The following HUNK variants were observed in gnomAD, a reference collection of about 807,000 sequenced individuals.
The protein encoded by HUNK is hormonally up-regulated Neu-associated kinase, also known as hormonally up-regulated neu tumor-associated kinase.
Under a neutral mutation model 61.0 loss-of-function variants are expected in HUNK, and 21 were observed. The observed-to-expected ratio is 0.34, with a 90% CI of 0.24 to 0.50. HUNK has a LOEUF of 0.50. Ranked by LOEUF, HUNK falls within the 20% of genes least tolerant of loss-of-function variation. The pLI, the probability that HUNK is intolerant of heterozygous loss-of-function variation, is 0.98. For missense variants in HUNK, 772 were observed against 945.7 expected (o/e 0.82, Z 2.41); for synonymous variants, 371 against 386.1 (o/e 0.96, Z 0.46).
chr21:31,921,943 T>C (rs1258109071), intron 1 of HUNK, among the ~76,000 whole-genome samples: 2 of 152,252 alleles, frequency 1.3e-5, no homozygotes, highest in Non-Finnish European at 2.9e-5. Flanking sequence ...GTCAAGCTCA[T>C]GGACATGTCC....
chr21:31,876,558 G>T lies in HUNK; in HGVS notation c.261+2623G>T, dbSNP rs550123944. On this transcript the variant is annotated intron_variant, in intron 1 of 10. Coordinates refer to ENST00000270112, the MANE Select transcript of HUNK (RefSeq NM_014586.2). The stretch of plus-strand genomic sequence containing the variant: ...TAGTTTTGGGTATTGCCTAACTAAG[G>T]CCAAAACAAAGATGACCACAGCCTC... 2.6e-5 allele frequency among the ~76,000 whole-genome samples: 4 copies of T among 152,108 alleles called. No homozygotes were observed. The East Asian group carries it at 5.8e-4, about 22-fold the overall frequency.
At chr21:31,970,031 T>C (rs1011881273) in intron 6 of HUNK, among the ~76,000 whole-genome samples, 2 of 152,092 alleles carry the variant, frequency 1.3e-5, no homozygotes, top group African/African-American at 4.8e-5. Flanking sequence ...AGACCTAGGG[T>C]GGCTTGCACA....
At chr21:31,886,394 C>G (rs1318104875) in intron 1 of HUNK, among the ~76,000 whole-genome samples, 1 of 149,826 alleles carries the variant, frequency 6.7e-6, no homozygotes, top group African/African-American at 2.5e-5. Context: ...CCATTGTACT[C>G]CAAACTGGGA....
intron 4 of HUNK, among the ~76,000 whole-genome samples, chr21:31,946,644 T>G (rs2052805488): frequency 6.6e-6 from 1 of 151,982 alleles, no homozygotes; most frequent in African/African-American, 2.4e-5. Flanking sequence ...AGGCAGAGTC[T>G]TTCTCTGTCG....
At chr21:31,921,004 T>C (rs1361497319) in intron 1 of HUNK, among the ~76,000 whole-genome samples, 2 of 151,824 alleles carry the variant, frequency 1.3e-5, no homozygotes, top group African/African-American at 2.4e-5. Context: ...ATACAAAAAT[T>C]AGCTGGATGT....
intron 4 of HUNK, among the ~76,000 whole-genome samples, chr21:31,946,862 G>C (rs1326428888): frequency 6.6e-6 from 1 of 152,200 alleles, no homozygotes; most frequent in African/African-American, 2.4e-5. Flanking sequence ...TGAACCACCC[G>C]CCTCGGCCTC....
At chr21:31,891,354 G>A (rs575487838) in intron 1 of HUNK, among the ~76,000 whole-genome samples, 1 of 152,356 alleles carries the variant, frequency 6.6e-6, no homozygotes. Context: ...TCCAGCCTGG[G>A]CGACAGAGTG....
chr21:31,898,492 C>A (rs2052441166), intron 1 of HUNK, among the ~76,000 whole-genome samples: 2 of 152,170 alleles, frequency 1.3e-5, no homozygotes, highest in Non-Finnish European at 2.9e-5. Context: ...GTCTCAAACT[C>A]CTGGCGTCAA....
rs199631073 is a variant in HUNK at position 31,924,440 on chromosome 21, A to G, written c.262-28A>G. On this transcript the variant is annotated intron_variant, in intron 1 of 10. Coordinates refer to ENST00000270112, the MANE Select transcript of HUNK (RefSeq NM_014586.2). The surrounding 1 kb of genome is among the most constrained non-coding windows in gnomAD (Gnocchi z 5.1). The stretch of plus-strand genomic sequence containing the variant: ...ATCGCTATTGTCTGTAATGTCTGAT[A>G]ACAGGCATGTTCTTGTTTTCTCCTT... 2,303 of 1,600,092 alleles carry G rather than the reference A, an allele frequency of 1.4e-3. 6 individuals are homozygous for G. Among genetic ancestry groups the G allele is most frequent in the Non-Finnish European group, 1.2e-3 (1,454 of 1,173,218 alleles).
At chr21:31,979,915 G>A (rs776606105) in intron 7 of HUNK, among the ~76,000 whole-genome samples, 10 of 152,140 alleles carry the variant, frequency 6.6e-5, no homozygotes, top group Non-Finnish European at 1.3e-4. Flanking sequence ...GTTGTGCAGA[G>A]CTTTTGAATT....
intron 8 of HUNK, among the ~76,000 whole-genome samples, chr21:31,986,698 G>GCTGTGCTCTCTCTGC (rs1375266407): frequency 6.6e-6 from 1 of 152,152 alleles, no homozygotes; most frequent in East Asian, 1.9e-4. Flanking sequence ...CTTCGGGCTT[G>GCTGTGCTCTCTCTGC]CTGTGCTCTC....
intron 1 of HUNK, among the ~76,000 whole-genome samples, chr21:31,893,905 T>G (rs996798498): frequency 6.6e-6 from 1 of 152,230 alleles, no homozygotes; most frequent in African/African-American, 2.4e-5. Context: ...AGAAGTTCTG[T>G]CATTTCCAAT....
intron 2 of HUNK, among the ~76,000 whole-genome samples, chr21:31,939,533 C>T (rs1015546622): frequency 3.3e-5 from 5 of 151,046 alleles, no homozygotes; most frequent in East Asian, 2.0e-4. Context: ...CTCAGCCTCC[C>T]GAGTTGCTGG....
chr21:31,892,148 TAAAA>T (rs748197431), intron 1 of HUNK, among the ~76,000 whole-genome samples: 6,582 of 91,450 alleles, frequency 0.072, 228 homozygotes, highest in Non-Finnish European at 0.079. Flanking sequence ...AGAATTTGGT[TAAAA>T]AAAAAAAAAA....
intron 1 of HUNK, among the ~76,000 whole-genome samples, chr21:31,875,474 A>G (rs773941466): frequency 9.2e-5 from 14 of 152,192 alleles, no homozygotes; most frequent in Admixed American, 6.5e-5. Flanking sequence ...AGGAGCGTTC[A>G]GTATGAACTT....
chr21:31,891,478 C>A (rs1475064092), intron 1 of HUNK, among the ~76,000 whole-genome samples: 1 of 152,220 alleles, frequency 6.6e-6, no homozygotes, highest in East Asian at 1.9e-4. Context: ...CAGACTCTGA[C>A]TGGTACAAGA....
At chr21:31,944,007 T>C (rs2052785727) in intron 3 of HUNK, among the ~76,000 whole-genome samples, 1 of 152,266 alleles carries the variant, frequency 6.6e-6, no homozygotes, top group African/African-American at 2.4e-5. Context: ...ATTAACATTC[T>C]TTTAGGTTCA....
At chr21:31,977,152 G>A (rs569577497) in intron 7 of HUNK, among the ~76,000 whole-genome samples, 3 of 152,126 alleles carry the variant, frequency 2.0e-5, no homozygotes, top group South Asian at 4.2e-4. Context: ...ATATCTTATA[G>A]CGTACATGAT....
chr21:31,989,149 A>G (rs1235538760), intron 8 of HUNK, among the ~76,000 whole-genome samples: 1 of 152,134 alleles, frequency 6.6e-6, no homozygotes. Flanking sequence ...AAAGGACACC[A>G]GTCATACTGC....
Sources: gnomAD v4.1 joint callset for allele counts (sites outside exome capture counted in the v4.1 genomes callset) on GRCh38, gnomAD v4.1.1 for gene constraint, Gnocchi (gnomAD v3.1) non-coding constraint, MANE v1.5 for transcripts, NCBI Gene and HGNC (gene_info 2026-07-23, HGNC 2026-07-21) for gene names.